Variants in RAPGEF4 observed in about 807,000 individuals in gnomAD.
RAPGEF4 encodes the protein RAP guanine-nucleotide-exchange factor (GEF) 4.
In RAPGEF4, 66 loss-of-function variants were observed where a neutral mutation model predicts 147.9. That is an observed-to-expected ratio of 0.45 (90% confidence interval 0.37 to 0.55). The LOEUF is 0.55. Ranked by LOEUF, RAPGEF4 falls within the 20% of genes least tolerant of loss-of-function variation. The pLI is 0.00. For missense variants in RAPGEF4, 1,071 were observed against 1,257.3 expected (o/e 0.85, Z 2.24); for synonymous variants, 419 against 442.7 (o/e 0.95, Z 0.67).
intron 5 of RAPGEF4, among the ~76,000 whole-genome samples, chr2:172,919,456 G>A (rs1407314167): frequency 1.3e-5 from 2 of 152,002 alleles, no homozygotes; most frequent in African/African-American, 4.8e-5. Flanking sequence ...CTTGGCTCCC[G>A]GGGCACCACT....
chr2:173,047,192 G>A (rs11898166), intron 29 of RAPGEF4, among the ~76,000 whole-genome samples: 3,468 of 152,284 alleles, frequency 0.023, 159 homozygotes, highest in African/African-American at 0.079. Context: ...TTCAAATACC[G>A]TGACATTCTG....
chr2:172,795,649 G>A (rs867415490), intron 2 of RAPGEF4, among the ~76,000 whole-genome samples: 1 of 152,106 alleles, frequency 6.6e-6, no homozygotes, highest in African/African-American at 2.4e-5. Flanking sequence ...AGAAGTAATA[G>A]TTCTTCTGTT....
At chr2:172,741,887 G>T (rs552937264) in intron 1 of RAPGEF4, among the ~76,000 whole-genome samples, 1 of 152,202 alleles carries the variant, frequency 6.6e-6, no homozygotes, top group African/African-American at 2.4e-5. Flanking sequence ...TGCCCAGGCT[G>T]GTCTCAAACT....
chr2:172,754,278 C>T (rs1240507073), intron 1 of RAPGEF4, among the ~76,000 whole-genome samples: 3 of 151,974 alleles, frequency 2.0e-5, no homozygotes, highest in Non-Finnish European at 2.9e-5. Flanking sequence ...AAATATAATT[C>T]GTATTGGCTG....
chr2:172,875,968 G>A (rs967670957), intron 4 of RAPGEF4, among the ~76,000 whole-genome samples: 9 of 152,108 alleles, frequency 5.9e-5, no homozygotes, highest in Non-Finnish European at 1.3e-4. Flanking sequence ...CACATCCCTT[G>A]TAAGCTGGAT....
At chr2:172,808,562 A>T (rs1368064061) in intron 3 of RAPGEF4, among the ~76,000 whole-genome samples, 1 of 152,258 alleles carries the variant, frequency 6.6e-6, no homozygotes, top group African/African-American at 2.4e-5. Flanking sequence ...GATAACCCAT[A>T]CATGTTTGTG....
At chr2:173,046,146 G>T (rs1685445509) in intron 29 of RAPGEF4, among the ~76,000 whole-genome samples, 1 of 152,168 alleles carries the variant, frequency 6.6e-6, no homozygotes, top group Non-Finnish European at 1.5e-5. Flanking sequence ...TTTGGATTTC[G>T]AAGTTAAACT....
At chr2:172,899,410 A>G (rs141144540) in intron 4 of RAPGEF4, among the ~76,000 whole-genome samples, 1 of 152,216 alleles carries the variant, frequency 6.6e-6, no homozygotes, top group Non-Finnish European at 1.5e-5. Flanking sequence ...TGTGTGATCA[A>G]AGATTAATCT....
At chr2:173,011,170 G>GCACACACACACACACACACA (rs1553548086) in intron 17 of RAPGEF4, among the ~76,000 whole-genome samples, 3 of 133,500 alleles carry the variant, frequency 2.2e-5, no homozygotes, top group Admixed American at 1.5e-4. Flanking sequence ...GCGCGCGCGC[G>GCACACACACACACACACACA]CACACACACA....
intron 1 of RAPGEF4, among the ~76,000 whole-genome samples, chr2:172,766,725 G>A (rs1696883831): frequency 6.6e-6 from 1 of 152,082 alleles, no homozygotes; most frequent in Admixed American, 6.5e-5. Context: ...TGCTTTTGTT[G>A]CTATAGATTA....
At chr2:173,016,318 G>A (rs1007678640) in intron 18 of RAPGEF4, 31 bp from the exon 19 acceptor site, 1 of 1,507,788 alleles carries the variant, frequency 6.6e-7, no homozygotes, top group East Asian at 2.3e-5. Flanking sequence ...TGCAGTTCTT[G>A]TTAAAAGCCT....
intron 17 of RAPGEF4, among the ~76,000 whole-genome samples, chr2:173,011,209 C>T (rs969458002): frequency 6.6e-6 from 1 of 151,798 alleles, no homozygotes; most frequent in African/African-American, 2.4e-5. Flanking sequence ...CACACACACA[C>T]GGAATCTCTT....
chr2:172,878,525 T>C (rs1344647017), intron 4 of RAPGEF4, among the ~76,000 whole-genome samples: 1 of 152,168 alleles, frequency 6.6e-6, no homozygotes, highest in African/African-American at 2.4e-5. Context: ...AACATCCAAG[T>C]TTGTTAAAAA....
At chr2:172,887,594 A>G (rs1225002822) in intron 4 of RAPGEF4, among the ~76,000 whole-genome samples, 2 of 152,206 alleles carry the variant, frequency 1.3e-5, no homozygotes, top group African/African-American at 4.8e-5. Flanking sequence ...TAGTGTTACA[A>G]TGGCAGAGGT....
intron 1 of RAPGEF4, among the ~76,000 whole-genome samples, chr2:172,783,129 C>G (rs1392976199): frequency 1.3e-5 from 2 of 152,202 alleles, no homozygotes; most frequent in Non-Finnish European, 2.9e-5. Context: ...ATTAGCAGGC[C>G]TGGTCTGGCC....
intron 10 of RAPGEF4, among the ~76,000 whole-genome samples, chr2:172,978,645 G>T (rs753130634): frequency 1.2e-4 from 19 of 152,206 alleles, no homozygotes; most frequent in Non-Finnish European, 2.2e-4. Context: ...TGCCCTCTGG[G>T]CTGATTGACG....
chr2:173,014,200 C>A (rs1695291182), intron 17 of RAPGEF4, among the ~76,000 whole-genome samples: 1 of 152,142 alleles, frequency 6.6e-6, no homozygotes, highest in Admixed American at 6.6e-5. Flanking sequence ...CACAAGAATC[C>A]TTGTCCACAC....
chr2:172,803,501 G>C (rs1687176386), intron 3 of RAPGEF4, among the ~76,000 whole-genome samples: 1 of 152,300 alleles, frequency 6.6e-6, no homozygotes, highest in Non-Finnish European at 1.5e-5. Flanking sequence ...AGTACCCTGG[G>C]CTTGGCCCAT....
At chr2:172,736,190 C>T in intron 1 of RAPGEF4, 142 bp downstream of exon 1, 2 of 499,512 alleles carry the variant, frequency 4.0e-6, no homozygotes, top group Non-Finnish European at 6.2e-6. Flanking sequence ...GGTTGAGGTC[C>T]TCGTCCGGGA....
Sources: gnomAD v4.1 joint callset for allele counts (sites outside exome capture counted in the v4.1 genomes callset) on GRCh38, gnomAD v4.1.1 for gene constraint, MANE v1.5 for transcripts, NCBI Gene and HGNC (gene_info 2026-07-23, HGNC 2026-07-21) for gene names.